CD8B2: variants seen among roughly 807,000 people sequenced by gnomAD.
CD8B2 encodes the protein T-cell surface glycoprotein CD8 beta-2 chain.
A neutral mutation model predicts 23.7 loss-of-function variants in CD8B2; 11 were observed. That is an observed-to-expected ratio of 0.46 (90% CI 0.29 to 0.77). CD8B2 has a LOEUF of 0.77. CD8B2 is among the 30% of genes least tolerant of loss of function. The pLI, the probability that CD8B2 is intolerant of heterozygous loss-of-function variation, is 0.09. For missense variants in CD8B2, 197 were observed against 270.5 expected (o/e 0.73, Z 1.91); for synonymous variants, 90 against 109.3 (o/e 0.82, Z 1.10).
chr2:106,505,794 GATA>G (rs1488537491), intron 5 of CD8B2, among the ~76,000 whole-genome samples: 1 of 152,104 alleles, frequency 6.6e-6, no homozygotes, highest in African/African-American at 2.4e-5. Context: ...CTACCCAAGA[GATA>G]ATAACTTGAG....
At chr2:106,526,414 T>C (rs1679907667) in intron 5 of CD8B2, among the ~76,000 whole-genome samples, 2 of 152,148 alleles carry the variant, frequency 1.3e-5, no homozygotes, top group African/African-American at 4.8e-5. Flanking sequence ...TTCACGGCCA[T>C]TTACCCCTGA....
chr2:106,498,078 C>T (rs1456427960), intron 3 of CD8B2, among the ~76,000 whole-genome samples: 1 of 152,148 alleles, frequency 6.6e-6, no homozygotes, highest in African/African-American at 2.4e-5. Flanking sequence ...TGACGGCAAA[C>T]TCACTCATAC....
At chr2:106,541,145 C>T (rs984007970) in intron 5 of CD8B2, among the ~76,000 whole-genome samples, 1 of 152,132 alleles carries the variant, frequency 6.6e-6, no homozygotes, top group Non-Finnish European at 1.5e-5. Flanking sequence ...GCCACGGTGG[C>T]ACGCTGGCTG....
At chr2:106,539,353 T>G (rs1197155558) in intron 5 of CD8B2, among the ~76,000 whole-genome samples, 1 of 152,216 alleles carries the variant, frequency 6.6e-6, no homozygotes, top group Non-Finnish European at 1.5e-5. Flanking sequence ...GAAATATATA[T>G]ATTGGTCCCA....
intron 5 of CD8B2, among the ~76,000 whole-genome samples, chr2:106,522,721 C>A (rs560664366): frequency 2.6e-5 from 4 of 152,192 alleles, no homozygotes; most frequent in Admixed American, 6.5e-5. Context: ...ACAGGCCTTA[C>A]TTGACATTTT....
chr2:106,542,309 T>A (rs1209086112), intron 5 of CD8B2, among the ~76,000 whole-genome samples: 15 of 152,354 alleles, frequency 9.8e-5, no homozygotes, highest in Non-Finnish European at 1.5e-5. Flanking sequence ...CTGACTTCTC[T>A]TGCCATCTTT....
At chr2:106,487,925 T>C (rs1573325328) in intron 1 of CD8B2, among the ~76,000 whole-genome samples, 1 of 151,896 alleles carries the variant, frequency 6.6e-6, no homozygotes, top group Non-Finnish European at 1.5e-5. Flanking sequence ...TGGGGCGTTC[T>C]CAGTTCTCGG....
At chr2:106,528,272 G>C (rs1679943265) in intron 5 of CD8B2, among the ~76,000 whole-genome samples, 1 of 152,136 alleles carries the variant, frequency 6.6e-6, no homozygotes. Flanking sequence ...TAGAGTTATT[G>C]TGATTTTAGT....
At chr2:106,503,342 C>T (rs1420315447) in intron 4 of CD8B2, among the ~76,000 whole-genome samples, 1 of 152,040 alleles carries the variant, frequency 6.6e-6, no homozygotes. Context: ...TCACAGACCC[C>T]TTTGAACATA....
chr2:106,524,313 A>G (rs1322968615), intron 5 of CD8B2, among the ~76,000 whole-genome samples: 2 of 152,096 alleles, frequency 1.3e-5, no homozygotes, highest in Non-Finnish European at 2.9e-5. Flanking sequence ...CTGATGCCCG[A>G]GGCCTGGGTT....
At chr2:106,542,119 T>C (rs1001708470) in intron 5 of CD8B2, among the ~76,000 whole-genome samples, 2 of 152,248 alleles carry the variant, frequency 1.3e-5, no homozygotes, top group African/African-American at 4.8e-5. Context: ...TACTTAACCT[T>C]TGAAGACAAA....
At chr2:106,540,190 A>C (rs1680149838) in intron 5 of CD8B2, among the ~76,000 whole-genome samples, 1 of 150,468 alleles carries the variant, frequency 6.6e-6, no homozygotes, top group Non-Finnish European at 1.5e-5. Flanking sequence ...GACCTCTCAA[A>C]TTAAAAAAAA....
At chr2:106,534,925 G>A (rs1045158707) in intron 5 of CD8B2, among the ~76,000 whole-genome samples, 2 of 152,114 alleles carry the variant, frequency 1.3e-5, no homozygotes, top group African/African-American at 4.8e-5. Context: ...GGGTTCAAGC[G>A]ATTCTCTTGC....
chr2:106,518,792 TC>T (rs1679775156), intron 5 of CD8B2, among the ~76,000 whole-genome samples: 1 of 151,962 alleles, frequency 6.6e-6, no homozygotes, highest in African/African-American at 2.4e-5. Context: ...CATTGCTCTA[TC>T]CATTTTCCTT....
At chr2:106,513,872 C>G (rs1354918443), downstream of CD8B2, among the ~76,000 whole-genome samples, 12 of 152,194 alleles carry the variant, frequency 7.9e-5, no homozygotes, top group Non-Finnish European at 1.3e-4. Flanking sequence ...GTCCCCGCCT[C>G]TATCTGAGTA....
Position 106,508,264 on chromosome 2 carries a change from A to C in CD8B2, c.*1324A>C, listed in dbSNP as rs1679551283. 1 of 152,258 alleles carries C rather than the reference A, an allele frequency of 6.6e-6. No individual in the cohort carries two copies. 9.4% of individuals were successfully genotyped at this position (152,258 alleles called of 1,614,324 possible). A position where few individuals can be genotyped will look rare whatever the true frequency, so the allele number is the denominator to read the frequency against. ...CCAGCCTCACCTGCTTCTCCTGGCC[A>C]GCTCAAGGAAGGACATTGACAAATC... On this transcript the variant is annotated 3_prime_UTR_variant, in exon 6 of 6. Coordinates refer to ENST00000643224, the MANE Select transcript of CD8B2 (RefSeq NM_001349727.2).
At chr2:106,512,633 T>C (rs187518105), downstream of CD8B2, among the ~76,000 whole-genome samples, 116 of 151,962 alleles carry the variant, frequency 7.6e-4, no homozygotes, top group South Asian at 3.5e-3. Context: ...TTAGTAGAGA[T>C]GAGGTCTCGC....
chr2:106,512,242 A>G (rs1187697982), downstream of CD8B2, among the ~76,000 whole-genome samples: 1 of 151,874 alleles, frequency 6.6e-6, no homozygotes, highest in East Asian at 1.9e-4. Flanking sequence ...CACCTGGCTA[A>G]TTTTTTATAT....
intron 5 of CD8B2, among the ~76,000 whole-genome samples, chr2:106,531,869 C>A (rs1679993834): frequency 6.6e-6 from 1 of 152,298 alleles, no homozygotes; most frequent in East Asian, 1.9e-4. Flanking sequence ...AAGCTACATC[C>A]AGCCCAGCAT....
Sources: gnomAD v4.1 joint callset for allele counts (sites outside exome capture counted in the v4.1 genomes callset) on GRCh38, gnomAD v4.1.1 for gene constraint, MANE v1.5 for transcripts, NCBI Gene and HGNC (gene_info 2026-07-23, HGNC 2026-07-21) for gene names.